KIRREL3: variants seen among roughly 807,000 people sequenced by gnomAD.
KIRREL3 encodes kin of IRRE-like protein 3.
A neutral mutation model predicts 89.7 loss-of-function variants in KIRREL3; 36 were observed. That is an observed-to-expected ratio of 0.40 (90% confidence interval 0.31 to 0.53). The LOEUF is 0.53. Ranked by LOEUF, KIRREL3 falls within the 20% of genes least tolerant of loss-of-function variation. KIRREL3 has a pLI of 0.49. For synonymous variants in KIRREL3, 445 were observed against 441.4 expected (o/e 1.01, Z -0.10); for missense variants, 864 against 1,056.6 (o/e 0.82, Z 2.53).
intron 1 of KIRREL3, among the ~76,000 whole-genome samples, chr11:126,819,464 G>A (rs1943133803): frequency 6.6e-6 from 1 of 152,236 alleles, no homozygotes; most frequent in Admixed American, 6.5e-5. Context: ...GGGCCATTGT[G>A]TGGGAGGCTG....
chr11:126,456,512 T>C, intron 6 of KIRREL3, 58 bp from the exon 7 acceptor site: 1 of 1,141,778 alleles, frequency 8.8e-7, no homozygotes, highest in South Asian at 1.4e-5. Context: ...AGGGAGATCC[T>C]GGGCGACATG....
At chr11:126,675,774 T>C (rs76781209) in intron 1 of KIRREL3, among the ~76,000 whole-genome samples, 6,363 of 152,168 alleles carry the variant, frequency 0.042, 277 homozygotes, top group African/African-American at 0.1. Flanking sequence ...ATTCTGTAGG[T>C]AAAGGGAAGT....
At chr11:126,618,175 A>C (rs492951) in intron 1 of KIRREL3, among the ~76,000 whole-genome samples, 31,737 of 152,004 alleles carry the variant, frequency 0.21, 3,547 homozygotes, top group South Asian at 0.44. Flanking sequence ...TTCTCCTACA[A>C]CTTCTGCCAT....
At chr11:126,947,252 G>A (rs1418393358) in intron 1 of KIRREL3, among the ~76,000 whole-genome samples, 1 of 152,112 alleles carries the variant, frequency 6.6e-6, no homozygotes, top group Admixed American at 6.5e-5. Flanking sequence ...CCTGAACACT[G>A]CTACTGCTAT....
chr11:126,649,318 C>T (rs1317593044), intron 1 of KIRREL3, among the ~76,000 whole-genome samples: 1 of 152,122 alleles, frequency 6.6e-6, no homozygotes, highest in Non-Finnish European at 1.5e-5. Context: ...TCAGGCCTTC[C>T]CCTCAGTCCC....
intron 1 of KIRREL3, among the ~76,000 whole-genome samples, chr11:126,648,906 G>C (rs1417091695): frequency 6.6e-6 from 1 of 152,212 alleles, no homozygotes; most frequent in Admixed American, 6.5e-5. Context: ...GTTGGAAAAT[G>C]TATTAGTCAG....
chr11:126,745,039 G>A (rs977380511), intron 1 of KIRREL3, among the ~76,000 whole-genome samples: 1 of 152,140 alleles, frequency 6.6e-6, no homozygotes, highest in Non-Finnish European at 1.5e-5. Context: ...TTTCAAGAGG[G>A]AGACCCTGGT....
chr11:126,489,341 A>G lies in KIRREL3; in HGVS notation c.434-15875T>C, dbSNP rs1479811050. Among the ~76,000 whole-genome samples, 1 of 152,126 alleles carries G rather than the reference A, an allele frequency of 6.6e-6. No individual in the cohort carries two copies. Among genetic ancestry groups the G allele is most frequent in the Non-Finnish European group, 1.5e-5 (1 of 68,016 alleles). ...GCACGGAGCAGGTGCTCAACAGATG[A>G]GCACCCCATCAATGATGGAAGGGTA... On this transcript the variant is annotated intron_variant, in intron 4 of 16. Coordinates refer to ENST00000525144, the MANE Select transcript of KIRREL3 (RefSeq NM_032531.4). The surrounding 1 kb of genome is among the most constrained non-coding windows in gnomAD (Gnocchi z 5.5).
At position 126,712,889 on chromosome 11, in the gene KIRREL3, G is replaced by A. The variant is rs555526516; in HGVS notation, c.56-149977C>T. On this transcript the variant is annotated intron_variant, in intron 1 of 16. Coordinates refer to ENST00000525144, the MANE Select transcript of KIRREL3 (RefSeq NM_032531.4). Reference sequence around the variant, plus strand: ...CAGTTTAGGTGTCCAAGGCTTTTTGGTCATTTACTAGACATTTATTGAGTG... The same window carrying A: ...CAGTTTAGGTGTCCAAGGCTTTTTGATCATTTACTAGACATTTATTGAGTG... Among the ~76,000 whole-genome samples the A allele has an allele frequency of 1.1e-3, 160 of 152,306 alleles. 2 individuals are homozygous for A. In the South Asian group the frequency reaches 0.024, roughly 23 times the overall value.
At chr11:126,926,185 G>C (rs1017076588) in intron 1 of KIRREL3, among the ~76,000 whole-genome samples, 7 of 152,216 alleles carry the variant, frequency 4.6e-5, no homozygotes, top group African/African-American at 1.7e-4. Context: ...GGACAGGTGG[G>C]TGGCAGACGA....
rs1958606313 is a variant in KIRREL3, at chr11:126,521,852, C to T, written c.284-388G>A. ...CTCCACTTCCCAGACTCAAACGATC[C>T]TCCCACCTCAGCCTCCCAAGTAGCT... On this transcript the variant is annotated intron_variant, in intron 3 of 16. Transcript: ENST00000525144. The surrounding 1 kb of genome is among the most constrained non-coding windows in gnomAD (Gnocchi z 4.1). Among the ~76,000 whole-genome samples the T allele has an allele frequency of 6.6e-6, 1 of 152,090 alleles. No individual in the cohort carries two copies. The highest frequency in any genetic ancestry group is 1.5e-5 in the Non-Finnish European group (1 of 68,020).
At chr11:126,581,359 T>A (rs899266378) in intron 1 of KIRREL3, among the ~76,000 whole-genome samples, 5 of 152,096 alleles carry the variant, frequency 3.3e-5, no homozygotes, top group African/African-American at 1.2e-4. Context: ...CCCGCCATCA[T>A]GCCTGGCTAA....
Position 126,772,104 on chromosome 11 carries a change from C to T in KIRREL3, c.56-209192G>A, listed in dbSNP as rs900680882. ...CAGCTCATTCTCAGGGCAGAAGAACCAGTGTAGTCTCTCACTAATGTCTTA... is the reference window on the plus strand; with the variant it reads ...CAGCTCATTCTCAGGGCAGAAGAACTAGTGTAGTCTCTCACTAATGTCTTA... On this transcript the variant is annotated intron_variant, in intron 1 of 16. Transcript: ENST00000525144. This position sits in a 1 kb window ranked among gnomAD's most constrained non-coding sequence, Gnocchi z 4.6. 6.6e-6 allele frequency among the ~76,000 whole-genome samples: 1 copy of T among 152,168 alleles called. No individual in the cohort carries two copies. The highest frequency in any genetic ancestry group is 2.4e-5 in the African/African-American group (1 of 41,440).
rs80183096 is a variant in KIRREL3 at position 126,957,508 on chromosome 11, T to A, written c.55+42947A>T. On this transcript the variant is annotated intron_variant, in intron 1 of 16. Transcript: ENST00000525144. ...ACGGGAAGGTGAGAGCTCAGATCCA[T>A]CCTACCTGATATTCAGCGTCCTCAA... Among the ~76,000 whole-genome samples, 522 of 152,304 alleles carry A rather than the reference T, an allele frequency of 3.4e-3. 4 individuals are homozygous for A. The highest frequency in any genetic ancestry group is 0.012 in the African/African-American group (484 of 41,568).
intron 1 of KIRREL3, among the ~76,000 whole-genome samples, chr11:126,693,318 G>A (rs1417009803): frequency 6.6e-6 from 1 of 152,200 alleles, no homozygotes; most frequent in Non-Finnish European, 1.5e-5. Flanking sequence ...CTACTCAGGA[G>A]GCTGAGGCAG....
In KIRREL3 at chr11:126,977,146, A is replaced by G. The variant is rs1311549068; in HGVS notation, c.55+23309T>C. On this transcript the variant is annotated intron_variant, in intron 1 of 16. Coordinates refer to ENST00000525144, the MANE Select transcript of KIRREL3 (RefSeq NM_032531.4). The surrounding 1 kb of genome is among the most constrained non-coding windows in gnomAD (Gnocchi z 4.7). ...CAGGCTTCAGCTCCTTCTGGGTCTT[A>G]GTGTCACTTGGCACCTTTGTTACAG... is the stretch of plus-strand genomic sequence containing the variant. Among the ~76,000 whole-genome samples, 1 of 151,846 alleles carries G rather than the reference A, an allele frequency of 6.6e-6. No homozygotes were observed. The highest frequency in any genetic ancestry group is 2.4e-5 in the African/African-American group (1 of 41,294).
At chr11:126,661,546 G>A (rs1268650199) in intron 1 of KIRREL3, among the ~76,000 whole-genome samples, 1 of 152,216 alleles carries the variant, frequency 6.6e-6, no homozygotes, top group Non-Finnish European at 1.5e-5. Context: ...AGGGTCTGCT[G>A]ATTTCATCTG....
chr11:126,458,525 C>T (rs534075003), intron 6 of KIRREL3, among the ~76,000 whole-genome samples: 1 of 152,212 alleles, frequency 6.6e-6, no homozygotes. Flanking sequence ...GAGGACCCTG[C>T]CTCCCTGCCT....
rs140840530 is a variant in KIRREL3, at chr11:126,933,697, C to T, written c.55+66758G>A. 2.4e-3 allele frequency among the ~76,000 whole-genome samples: 358 copies of T among 150,142 alleles called. 1 individual carries two copies. The highest frequency in any genetic ancestry group is 8.3e-3 in the African/African-American group (340 of 40,758). On this transcript the variant is annotated intron_variant, in intron 1 of 16. Transcript: ENST00000525144. ...AAGATATCAATTCCATTTACAATAGCATAAATAGCATTAAAATAATCAAAT... is the reference window on the plus strand; with the variant it reads ...AAGATATCAATTCCATTTACAATAGTATAAATAGCATTAAAATAATCAAAT...
Sources: gnomAD v4.1 joint callset for allele counts (sites outside exome capture counted in the v4.1 genomes callset) on GRCh38, gnomAD v4.1.1 for gene constraint, Gnocchi (gnomAD v3.1) non-coding constraint, MANE v1.5 for transcripts, NCBI Gene and HGNC (gene_info 2026-07-23, HGNC 2026-07-21) for gene names.